NELL1: variants seen among roughly 807,000 people sequenced by gnomAD.
NELL1 encodes the protein neural EGFL like 1, also known as protein kinase C-binding protein NELL1.
In NELL1, 76 loss-of-function variants were observed where a neutral mutation model predicts 107.4. The ratio of observed to expected loss-of-function variants is 0.71; its 90% CI spans 0.59 to 0.86. The LOEUF (loss-of-function observed/expected upper bound fraction) is 0.86, where lower values mean the gene tolerates loss of function less well. NELL1 is among the 40% of genes least tolerant of loss of function. NELL1 has a pLI of 0.00. For missense variants in NELL1, 1,024 were observed against 1,005.5 expected (o/e 1.02, Z -0.25); for synonymous variants, 353 against 341.2 (o/e 1.03, Z -0.38).
At position 21,009,659 on chromosome 11, in the gene NELL1, A is replaced by T. The variant is rs114624893; in HGVS notation, c.1300+49099A>T. ...AAGAGTTCCGTCTCTTAGGGACAGG[A>T]TTATATTTGACATGCCCGTAGAACT... On this transcript the variant is annotated intron_variant, in intron 12 of 19. Coordinates refer to ENST00000357134, the MANE Select transcript of NELL1 (RefSeq NM_006157.5). Among the ~76,000 whole-genome samples, 440 of 152,116 alleles carry T rather than the reference A, an allele frequency of 2.9e-3. 3 individuals are homozygous for T. Among genetic ancestry groups the T allele is most frequent in the African/African-American group, 9.9e-3 (413 of 41,516 alleles).
At chr11:20,941,152 A>T (rs551940534) in intron 10 of NELL1, among the ~76,000 whole-genome samples, 1 of 152,194 alleles carries the variant, frequency 6.6e-6, no homozygotes, top group South Asian at 2.1e-4. Flanking sequence ...AAAAAGTAAA[A>T]CAAAACAAAA....
At chr11:20,953,208 T>C (rs561755854) in intron 11 of NELL1, among the ~76,000 whole-genome samples, 18 of 152,258 alleles carry the variant, frequency 1.2e-4, no homozygotes, top group African/African-American at 4.3e-4. Context: ...GGTATTGACG[T>C]TCTAAGATTT....
intron 12 of NELL1, among the ~76,000 whole-genome samples, chr11:21,051,369 T>A (rs1853488559): frequency 6.6e-6 from 1 of 152,082 alleles, no homozygotes; most frequent in Non-Finnish European, 1.5e-5. Context: ...TACAATGGAC[T>A]TTTGGAACTC....
chr11:20,879,864 AT>A (rs1242383495), intron 4 of NELL1, among the ~76,000 whole-genome samples: 1 of 152,252 alleles, frequency 6.6e-6, no homozygotes, highest in African/African-American at 2.4e-5. Flanking sequence ...GCTGAAAAAA[AT>A]GATACTTTAA....
chr11:20,812,844 T>TA (rs1857529292), intron 3 of NELL1, among the ~76,000 whole-genome samples: 1 of 149,838 alleles, frequency 6.7e-6, no homozygotes. Context: ...CCGTCTGTAC[T>TA]AAAAATACAA....
chr11:20,997,013 T>C lies in NELL1; in HGVS notation c.1300+36453T>C, dbSNP rs979355906. 1.1e-4 allele frequency among the ~76,000 whole-genome samples: 16 copies of C among 152,258 alleles called. No individual in the cohort carries two copies. The East Asian group carries it at 2.9e-3, about 28-fold the overall frequency. The stretch of plus-strand genomic sequence containing the variant: ...CCTACCCCATGAGCATATCGTCCAT[T>C]TTGCTTTTGCAAAAAAACTTTATCC... On this transcript the variant is annotated intron_variant, in intron 12 of 19. Transcript: ENST00000357134.
chr11:20,694,896 T>G (rs1361410482), intron 2 of NELL1, among the ~76,000 whole-genome samples: 1 of 152,118 alleles, frequency 6.6e-6, no homozygotes, highest in Non-Finnish European at 1.5e-5. Context: ...ATGGTCATTT[T>G]AATGATAGTG....
At chr11:21,267,747 A>G (rs1848663101) in intron 14 of NELL1, among the ~76,000 whole-genome samples, 1 of 152,112 alleles carries the variant, frequency 6.6e-6, no homozygotes, top group Non-Finnish European at 1.5e-5. Flanking sequence ...TCTTGAATCG[A>G]TATCATCACC....
intron 4 of NELL1, among the ~76,000 whole-genome samples, chr11:20,875,135 C>G (rs1023747999): frequency 7.9e-5 from 12 of 152,156 alleles, no homozygotes; most frequent in African/African-American, 2.9e-4. Flanking sequence ...TTTTTGACAG[C>G]TGATCTTAGC....
rs61744058 is a variant in NELL1, at chr11:21,284,255, T to C, written c.1549+54801T>C. 5.5e-4 allele frequency: 252 copies of C among 456,930 alleles called. 1 individual carries two copies. The highest frequency in any genetic ancestry group is 1.3e-3 in the Middle Eastern group (4 of 3,078). 28.3% of individuals were successfully genotyped at this position (456,930 alleles called of 1,614,324 possible). On this transcript the variant is annotated intron_variant, in intron 14 of 19. Transcript: ENST00000357134. ...AAAAAATTTGCCAAACGTGGAGACC[T>C]GGCACAAAGATGTAGACATCCTAGT...
At chr11:20,688,567 T>C (rs1202436546) in intron 2 of NELL1, among the ~76,000 whole-genome samples, 1 of 152,180 alleles carries the variant, frequency 6.6e-6, no homozygotes, top group East Asian at 1.9e-4. Flanking sequence ...TTTCATTGTT[T>C]CTTTTTATGG....
chr11:21,064,789 A>T (rs1853829168), intron 12 of NELL1, among the ~76,000 whole-genome samples: 2 of 152,160 alleles, frequency 1.3e-5, no homozygotes, highest in South Asian at 4.1e-4. Context: ...ACACACCCAC[A>T]TCTCCTATTA....
intron 13 of NELL1, among the ~76,000 whole-genome samples, chr11:21,177,601 C>T (rs576210115): frequency 1.3e-5 from 2 of 151,760 alleles, no homozygotes; most frequent in South Asian, 2.1e-4. Flanking sequence ...ATGTCTTTGA[C>T]ATAATGATTT....
chr11:20,802,325 A>T (rs1857296118), intron 3 of NELL1, among the ~76,000 whole-genome samples: 1 of 149,106 alleles, frequency 6.7e-6, no homozygotes, highest in African/African-American at 2.5e-5. Context: ...ATTCCTAAGT[A>T]TTTTCTTTTT....
At chr11:21,496,311 T>G (rs1564924455) in intron 15 of NELL1, among the ~76,000 whole-genome samples, 2 of 151,918 alleles carry the variant, frequency 1.3e-5, no homozygotes, top group Non-Finnish European at 2.9e-5. Flanking sequence ...ATTTCTTGTT[T>G]AACAGATTTT....
rs561730768 is a variant in NELL1 at position 21,435,810 on chromosome 11, A to G, written c.1645+64862A>G. 4.5e-4 allele frequency among the ~76,000 whole-genome samples: 68 copies of G among 149,826 alleles called. 1 individual carries two copies. Among genetic ancestry groups the G allele is most frequent in the Non-Finnish European group, 7.5e-4 (51 of 67,620 alleles). ...TGTGTGTGTGTTTGTGTGTGTGTGT[A>G]TGTGTGTCCATGTCTGATGTTGGTA... is the stretch of plus-strand genomic sequence containing the variant. On this transcript the variant is annotated intron_variant, in intron 15 of 19. Transcript: ENST00000357134.
chr11:21,265,827 C>A (rs1848623269), intron 14 of NELL1, among the ~76,000 whole-genome samples: 1 of 151,930 alleles, frequency 6.6e-6, no homozygotes, highest in African/African-American at 2.4e-5. Flanking sequence ...TTCAGAAATT[C>A]TTTAATGTCT....
intron 3 of NELL1, among the ~76,000 whole-genome samples, chr11:20,798,941 A>G (rs1564913628): frequency 1.0e-5 from 1 of 98,524 alleles, no homozygotes; most frequent in Non-Finnish European, 2.5e-5. Context: ...GTCCTCAGGG[A>G]GCTTTTATTC....
At chr11:21,007,439 GTGAGA>G (rs1852354120) in intron 12 of NELL1, among the ~76,000 whole-genome samples, 1 of 152,060 alleles carries the variant, frequency 6.6e-6, no homozygotes, top group Non-Finnish European at 1.5e-5. Flanking sequence ...CAGGCATGCA[GTGAGA>G]AACTGCAGAA....
Sources: allele counts gnomAD v4.1 joint callset (sites outside exome capture counted in the v4.1 genomes callset), GRCh38; gene constraint gnomAD v4.1.1; transcripts MANE v1.5; gene names NCBI Gene and HGNC (gene_info 2026-07-23, HGNC 2026-07-21).